Variants in IMMP2L observed in about 807,000 individuals in gnomAD.
The protein encoded by IMMP2L is inner mitochondrial membrane peptidase subunit 2, also known as mitochondrial inner membrane protease subunit 2.
IMMP2L carries 18 observed loss-of-function variants against 19.3 expected under a neutral mutation model. The observed-to-expected ratio is 0.93, with a 90% confidence interval of 0.64 to 1.38. The LOEUF (loss-of-function observed/expected upper bound fraction) is 1.38. IMMP2L is among the 40% of genes most tolerant of loss of function. The pLI, the probability that IMMP2L is intolerant of heterozygous loss-of-function variation, is 0.00. For missense variants in IMMP2L, 233 were observed against 218.2 expected (o/e 1.07, Z -0.43); for synonymous variants, 76 against 73.0 (o/e 1.04, Z -0.21).
chr7:111,221,867 T>C (rs1211373474), intron 3 of IMMP2L, among the ~76,000 whole-genome samples: 2 of 151,926 alleles, frequency 1.3e-5, no homozygotes. Context: ...ATTATTAGAA[T>C]AGCATAGCAT....
chr7:111,560,629 A>G (rs892997731), intron 1 of IMMP2L, among the ~76,000 whole-genome samples: 1 of 152,238 alleles, frequency 6.6e-6, no homozygotes, highest in Non-Finnish European at 1.5e-5. Flanking sequence ...TAGTACAGGG[A>G]AAGTCTTGTA....
chr7:111,291,113 C>T (rs1421063870), intron 3 of IMMP2L, among the ~76,000 whole-genome samples: 2 of 152,018 alleles, frequency 1.3e-5, no homozygotes, highest in African/African-American at 2.4e-5. Context: ...CCAAATGAGG[C>T]CAGCTGCTTA....
intron 3 of IMMP2L, among the ~76,000 whole-genome samples, chr7:111,236,144 T>C (rs1328524503): frequency 6.6e-6 from 1 of 152,144 alleles, no homozygotes; most frequent in Non-Finnish European, 1.5e-5. Context: ...TTCTCTCATT[T>C]GTGTTTTTTT....
intron 5 of IMMP2L, among the ~76,000 whole-genome samples, chr7:110,873,261 A>C (rs1483398714): frequency 6.6e-6 from 1 of 151,600 alleles, no homozygotes; most frequent in Non-Finnish European, 1.5e-5. Flanking sequence ...CTGTACTAAA[A>C]ATACAAAAAA....
intron 4 of IMMP2L, among the ~76,000 whole-genome samples, chr7:110,954,534 C>T (rs1387572441): frequency 6.6e-6 from 1 of 152,040 alleles, no homozygotes; most frequent in African/African-American, 2.4e-5. Flanking sequence ...AAGAGCCAGG[C>T]ACTGTGTTAA....
intron 3 of IMMP2L, among the ~76,000 whole-genome samples, chr7:111,384,547 G>GC (rs1364605002): frequency 6.6e-6 from 1 of 152,000 alleles, no homozygotes; most frequent in African/African-American, 2.4e-5. Context: ...TATCAGCACT[G>GC]CCCCTCTATT....
chr7:111,096,518 A>C (rs1379771963), intron 3 of IMMP2L, among the ~76,000 whole-genome samples: 2 of 151,048 alleles, frequency 1.3e-5, no homozygotes, highest in Non-Finnish European at 3.0e-5. Flanking sequence ...TAAAAAAAAA[A>C]AAACAAAACA....
At chr7:110,967,399 C>T (rs1819653197) in intron 3 of IMMP2L, among the ~76,000 whole-genome samples, 2 of 151,956 alleles carry the variant, frequency 1.3e-5, no homozygotes, top group African/African-American at 4.8e-5. Context: ...TTCCTGACCA[C>T]CCCCACCCTG....
At chr7:111,047,962 G>C (rs1018523718) in intron 3 of IMMP2L, among the ~76,000 whole-genome samples, 1 of 151,700 alleles carries the variant, frequency 6.6e-6, no homozygotes, top group African/African-American at 2.4e-5. Context: ...GCTTCCTGCC[G>C]GGTGTGGTGG....
At chr7:110,771,120 CAG>C (rs996846741) in intron 5 of IMMP2L, among the ~76,000 whole-genome samples, 6 of 152,058 alleles carry the variant, frequency 3.9e-5, no homozygotes, top group Non-Finnish European at 8.8e-5. Flanking sequence ...GGGAAATATC[CAG>C]AGTCTCTTCA....
intron 5 of IMMP2L, among the ~76,000 whole-genome samples, chr7:110,790,697 A>T: frequency 6.6e-6 from 1 of 151,682 alleles, no homozygotes; most frequent in Non-Finnish European, 1.5e-5. Context: ...GGTTTACTTT[A>T]AACAAGGGTC....
chr7:111,486,341 C>T (rs936558336), intron 3 of IMMP2L, among the ~76,000 whole-genome samples: 7 of 152,054 alleles, frequency 4.6e-5, no homozygotes, highest in African/African-American at 1.2e-4. Flanking sequence ...TTGCTTTTAC[C>T]AATTATAAAT....
chr7:111,493,992 C>T (rs1843360324), intron 2 of IMMP2L, among the ~76,000 whole-genome samples: 1 of 151,844 alleles, frequency 6.6e-6, no homozygotes, highest in African/African-American at 2.4e-5. Flanking sequence ...CAGAGCAAGA[C>T]TCCGTCTCTA....
chr7:110,816,891 C>T (rs573108306), intron 5 of IMMP2L, among the ~76,000 whole-genome samples: 30 of 152,152 alleles, frequency 2.0e-4, no homozygotes, highest in South Asian at 1.5e-3. Flanking sequence ...CCTGAATATA[C>T]GACACTGATG....
At chr7:110,875,353 T>C (rs1462953377) in intron 5 of IMMP2L, among the ~76,000 whole-genome samples, 1 of 152,158 alleles carries the variant, frequency 6.6e-6, no homozygotes, top group African/African-American at 2.4e-5. Context: ...TCAGCACATA[T>C]ATTTTCTTTG....
intron 4 of IMMP2L, among the ~76,000 whole-genome samples, chr7:110,891,148 G>C (rs937734935): frequency 6.6e-6 from 1 of 150,478 alleles, no homozygotes; most frequent in African/African-American, 2.5e-5. Context: ...GGTTTTCATT[G>C]TCTTGAAGGA....
chr7:110,756,182 A>T (rs983513649), intron 5 of IMMP2L, among the ~76,000 whole-genome samples: 2 of 152,094 alleles, frequency 1.3e-5, no homozygotes, highest in Non-Finnish European at 2.9e-5. Context: ...CAGACATGAG[A>T]CATATTTAGG....
chr7:111,485,011 C>T (rs1272233283), intron 3 of IMMP2L, among the ~76,000 whole-genome samples: 1 of 152,018 alleles, frequency 6.6e-6, no homozygotes, highest in Admixed American at 6.6e-5. Flanking sequence ...TGGTCTCAAA[C>T]TCCTGGGCTT....
At position 111,020,104 on chromosome 7, in the gene IMMP2L, C is replaced by G. The variant is rs920844809; in HGVS notation, c.240-56539G>C. Among the ~76,000 whole-genome samples the G allele has an allele frequency of 6.3e-4, 93 of 148,468 alleles. 1 individual carries two copies. Among genetic ancestry groups the G allele is most frequent in the Admixed American group, 2.0e-4 (3 of 14,968 alleles). On this transcript the variant is annotated intron_variant, in intron 3 of 5. Coordinates refer to ENST00000405709, the MANE Select transcript of IMMP2L (RefSeq NM_032549.4). ...CAACAATTAAAAAAAAAAAAAAAGG[C>G]CTAGCACGGTGGCTCACACCTGTAA...
Sources: gnomAD v4.1 joint callset for allele counts (sites outside exome capture counted in the v4.1 genomes callset) on GRCh38, gnomAD v4.1.1 for gene constraint, MANE v1.5 for transcripts, NCBI Gene and HGNC (gene_info 2026-07-23, HGNC 2026-07-21) for gene names.